SMPX: variants seen among roughly 807,000 people sequenced by gnomAD.
SMPX encodes small muscle protein X-linked.
Under a neutral mutation model 6.3 loss-of-function variants are expected in SMPX, and 2 were observed. The ratio of observed to expected loss-of-function variants is 0.32; its 90% CI spans 0.13 to 0.99. The LOEUF is 0.99. Among genes scored for constraint, SMPX ranks in the 50% least tolerant of loss-of-function variants. The pLI is 0.49. For missense variants in SMPX, 60 were observed against 66.8 expected, an observed-to-expected ratio of 0.90 and a Z score of 0.36; for synonymous variants, 32 against 24.7, an observed-to-expected ratio of 1.30 and a Z score of -0.88.
chrX:21,725,309 A>G (rs996911034), intron 4 of SMPX, among the ~76,000 whole-genome samples: 3 of 112,159 alleles, frequency 2.7e-5, no homozygotes, highest in East Asian at 5.6e-4. Context: ...CCAGACTCCA[A>G]TAGTACATAG....
intron 4 of SMPX, among the ~76,000 whole-genome samples, chrX:21,731,642 A>ATGTACACATAAGTGTGTATGTGTACG (rs2092804729): frequency 1.0e-5 from 1 of 100,144 alleles, no homozygotes; most frequent in African/African-American, 3.6e-5. Context: ...ATATGTGTAC[A>ATGTACACATAAGTGTGTATGTGTACG]TGTACACATA....
chrX:21,708,844 C>A (rs1328993502), intron 4 of SMPX, among the ~76,000 whole-genome samples: 1 of 112,104 alleles, frequency 8.9e-6, no homozygotes, highest in Non-Finnish European at 1.9e-5. Context: ...GTACAACTAC[C>A]ACTTCACTCT....
chrX:21,739,045 A>T (rs1406429259), intron 3 of SMPX, among the ~76,000 whole-genome samples: 1 of 110,723 alleles, frequency 9.0e-6, no homozygotes, highest in Non-Finnish European at 1.9e-5. Context: ...GAAATAAGTA[A>T]CTGCATGTTT....
intron 4 of SMPX, among the ~76,000 whole-genome samples, chrX:21,713,276 T>A (rs774597484): frequency 1.1e-3 from 118 of 111,913 alleles, no homozygotes; most frequent in Non-Finnish European, 2.0e-3. Context: ...TCCAGAGGGG[T>A]TGAGTCACTT....
chrX:21,748,069 G>A (rs924613977), intron 2 of SMPX, among the ~76,000 whole-genome samples: 7 of 112,135 alleles, frequency 6.2e-5, no homozygotes, highest in African/African-American at 1.9e-4. Flanking sequence ...AAAGAGGTTT[G>A]TTTTTTCATA....
At chrX:21,737,951 T>C in intron 3 of SMPX, among the ~76,000 whole-genome samples, 1 of 112,312 alleles carries the variant, frequency 8.9e-6, no homozygotes, top group Non-Finnish European at 1.9e-5. Context: ...CACTAGAGTA[T>C]GTTCAACTTC....
chrX:21,713,269 A>T (rs1214251298), intron 4 of SMPX, among the ~76,000 whole-genome samples: 1 of 112,251 alleles, frequency 8.9e-6, no homozygotes. Flanking sequence ...ATTCAGATCC[A>T]GAGGGGTTGA....
chrX:21,738,475 GA>G (rs1416899973), intron 3 of SMPX, among the ~76,000 whole-genome samples: 25 of 103,156 alleles, frequency 2.4e-4, no homozygotes, highest in Middle Eastern at 5.0e-3. Context: ...CATTTATACA[GA>G]AAAAAAAAAA....
At chrX:21,707,270 T>A (rs1001798943) in intron 4 of SMPX, among the ~76,000 whole-genome samples, 1 of 111,271 alleles carries the variant, frequency 9.0e-6, no homozygotes, top group African/African-American at 3.3e-5. Context: ...TCATGAGATA[T>A]GTTAGGGACA....
rs183662673 is a variant in SMPX, at chrX:21,754,717, G to C, written c.-12-415C>G. ...TTTGATCTGAATTCATAATTGCCAG[G>C]GTTGCTATAGTCCATTGGGAGTGCC... On this transcript the variant is annotated intron_variant, in intron 1 of 4. Coordinates refer to ENST00000379494, the MANE Select transcript of SMPX (RefSeq NM_014332.3). 6.2e-5 allele frequency among the ~76,000 whole-genome samples: 7 copies of C among 112,197 alleles called. No individual in the cohort carries two copies. The South Asian group carries it at 1.1e-3, about 18-fold the overall frequency.
chrX:21,717,230 C>T (rs1273614406), intron 4 of SMPX, among the ~76,000 whole-genome samples: 2 of 111,770 alleles, frequency 1.8e-5, no homozygotes, highest in Non-Finnish European at 3.8e-5. Context: ...ATGCTGTTCT[C>T]GTGAGAGTGA....
intron 4 of SMPX, among the ~76,000 whole-genome samples, chrX:21,714,441 A>T (rs2092782058): frequency 8.9e-6 from 1 of 112,179 alleles, no homozygotes; most frequent in African/African-American, 3.2e-5. Context: ...GAATCCTATT[A>T]TTGGACATTT....
In SMPX at chrX:21,731,792, A is replaced by G. The variant is rs774043301; in HGVS notation, c.*14+5757T>C. ...TGTATATGTACACATTTGTGTGTATATGTGTATATGTACACATACATAATG... is the reference window on the plus strand; with the variant it reads ...TGTATATGTACACATTTGTGTGTATGTGTGTATATGTACACATACATAATG... On this transcript the variant is annotated intron_variant, in intron 4 of 4. Transcript: ENST00000379494. Among the ~76,000 whole-genome samples, 3 of 98,029 alleles carry G rather than the reference A, an allele frequency of 3.1e-5. No homozygotes were observed. In the South Asian group the frequency reaches 1.5e-3, roughly 48 times the overall value. The allele number at this position is 98,029 out of a possible 115,157, so 85.1% of individuals were successfully genotyped here.
chrX:21,737,618 G>A lies in SMPX; in HGVS notation c.212C>T (p.Ser71Leu), dbSNP rs200892029. The change falls in exon 4 of 5, where the codon TCG becomes TTG. Residue 71 changes from serine (S) to leucine (L), a missense_variant. By Grantham distance (145) the Ser-to-Leu change is moderately radical. Transcript: ENST00000379494. ...TTCACTTTTAATATTCTGGATTTCC[G>A]ATAGATTGACTGCAGGTCCTGGAAG... ...KKLPGPAVNL[S>L]EIQNIKSELK... is the part of the protein sequence containing the mutation. 9 of 1,202,855 alleles carry A rather than the reference G, an allele frequency of 7.5e-6. No homozygotes were observed. In the East Asian group the frequency reaches 8.9e-5, roughly 12 times the overall value.
At chrX:21,708,185 A>G (rs1395554885) in intron 4 of SMPX, among the ~76,000 whole-genome samples, 1 of 112,497 alleles carries the variant, frequency 8.9e-6, no homozygotes, top group Non-Finnish European at 1.9e-5. Flanking sequence ...GAGAAAGAAA[A>G]CTACATACAC....
chrX:21,727,417 C>G (rs1027395081), intron 4 of SMPX: 7 of 111,796 alleles, frequency 6.3e-5, no homozygotes, highest in Non-Finnish European at 1.3e-4. Context: ...CAGGTAAGAG[C>G]TAGGCAGTAA....
chrX:21,734,491 C>T (rs1163664164), intron 4 of SMPX, among the ~76,000 whole-genome samples: 2 of 111,875 alleles, frequency 1.8e-5, no homozygotes, highest in Non-Finnish European at 3.8e-5. Flanking sequence ...GCCACTGGTC[C>T]TGCCTCTTCA....
chrX:21,727,412 A>T (rs995030309), intron 4 of SMPX: 1 of 112,063 alleles, frequency 8.9e-6, no homozygotes, highest in African/African-American at 3.2e-5. Flanking sequence ...GGGATCAGGT[A>T]AGAGCTAGGC....
chrX:21,756,233 T>C (rs762281966), intron 1 of SMPX, among the ~76,000 whole-genome samples: 2 of 112,601 alleles, frequency 1.8e-5, no homozygotes, highest in East Asian at 5.6e-4. Flanking sequence ...AGAAAATTTC[T>C]TTATGTTATG....
Sources: allele counts gnomAD v4.1 joint callset (sites outside exome capture counted in the v4.1 genomes callset), GRCh38; gene constraint gnomAD v4.1.1; transcripts MANE v1.5; gene names NCBI Gene and HGNC (gene_info 2026-07-23, HGNC 2026-07-21).